Variants in ANK2 observed in about 807,000 individuals in gnomAD.
The protein encoded by ANK2 is ankyrin-2.
ANK2 carries 83 observed loss-of-function variants against 360.5 expected under a neutral mutation model. The observed-to-expected ratio is 0.23, with a 90% CI of 0.19 to 0.28. The LOEUF is 0.28. ANK2 is among the 10% of genes least tolerant of loss of function. The pLI is 1.00. For synonymous variants in ANK2, 1,740 were observed against 1,759.5 expected, an observed-to-expected ratio of 0.99 and a Z score of 0.28; for missense variants, 4,201 against 4,795.7, an observed-to-expected ratio of 0.88 and a Z score of 3.66.
intron 24 of ANK2, 34 bp downstream of exon 24, chr4:113,311,433 G>A (rs754081989): frequency 3.7e-6 from 6 of 1,611,932 alleles, no homozygotes; most frequent in Non-Finnish European, 5.1e-6. Flanking sequence ...ATGTCAGCCA[G>A]AAGTATGTGC....
intron 5 of ANK2, among the ~76,000 whole-genome samples, 183 bp from the exon 6 acceptor site, chr4:113,236,804 C>G (rs2099387538): frequency 6.6e-6 from 1 of 152,192 alleles, no homozygotes; most frequent in African/African-American, 2.4e-5. Context: ...GGAAAGCCGT[C>G]TGATTAAACT....
intron 1 of ANK2, among the ~76,000 whole-genome samples, chr4:113,083,077 T>A (rs2083055836): frequency 6.6e-6 from 1 of 152,080 alleles, no homozygotes; most frequent in African/African-American, 2.4e-5. Flanking sequence ...TTTTAAATTT[T>A]TAAATTTTAT....
upstream of ANK2, among the ~76,000 whole-genome samples, chr4:113,048,430 A>ATTTTTTTTTT (rs61689467): frequency 7.7e-6 from 1 of 129,740 alleles, no homozygotes. Context: ...CACCTGGCTA[A>ATTTTTTTTTT]TTTTTTTTTT....
At chr4:113,037,693 G>T (rs1170347642) in intron 2 of ANK2, among the ~76,000 whole-genome samples, 1 of 151,910 alleles carries the variant, frequency 6.6e-6, no homozygotes, top group African/African-American at 2.4e-5. Flanking sequence ...CAAGGCCCAA[G>T]TCACAATTTG....
chr4:113,249,658 G>T, intron 9 of ANK2, 106 bp from the exon 10 acceptor site: 1 of 993,398 alleles, frequency 1.0e-6, no homozygotes, highest in Non-Finnish European at 1.6e-6. Flanking sequence ...CTTATTTATT[G>T]AGTAATCAGG....
At chr4:112,721,963 T>C in the ANK2 span, among the ~76,000 whole-genome samples, 4 of 152,192 alleles carry the variant, frequency 2.6e-5, no homozygotes, top group Non-Finnish European at 5.9e-5. Context: ...TCACAAGCAT[T>C]ATTATCAGAC....
chr4:113,171,421 A>G (rs2097944929), intron 1 of ANK2, among the ~76,000 whole-genome samples: 1 of 152,176 alleles, frequency 6.6e-6, no homozygotes, highest in South Asian at 2.1e-4. Context: ...GGCTTCAATA[A>G]TGTCAATATT....
At chr4:113,279,436 T>C (rs769180837) in intron 17 of ANK2, among the ~76,000 whole-genome samples, 2 of 151,944 alleles carry the variant, frequency 1.3e-5, no homozygotes, top group Non-Finnish European at 2.9e-5. Flanking sequence ...GAGATTTAAG[T>C]AGGTTAATTT....
At chr4:112,955,200 A>G (rs2095270353) in intron 2 of ANK2, among the ~76,000 whole-genome samples, 1 of 152,010 alleles carries the variant, frequency 6.6e-6, no homozygotes, top group Non-Finnish European at 1.5e-5. Flanking sequence ...TGTGATCTAC[A>G]TACTTTTTAT....
chr4:112,788,196 A>G, the ANK2 span: 3 of 1,589,060 alleles, frequency 1.9e-6, no homozygotes, highest in Non-Finnish European at 2.6e-6. Flanking sequence ...ATCTCATCGT[A>G]TCTGTCATTG....
At chr4:113,117,116 G>C in intron 1 of ANK2, 1 of 365,964 alleles carries the variant, frequency 2.7e-6, no homozygotes, top group Non-Finnish European at 5.3e-6. Context: ...GCAGAGGCTG[G>C]AGCAAGATTA....
chr4:113,134,574 C>T (rs190180160), intron 1 of ANK2, among the ~76,000 whole-genome samples: 30 of 152,110 alleles, frequency 2.0e-4, no homozygotes, highest in Non-Finnish European at 1.3e-4. Context: ...AAAAAACTAC[C>T]TTCTACCTTA....
chr4:112,926,915 A>G (rs1284333857), intron 2 of ANK2, among the ~76,000 whole-genome samples: 1 of 152,212 alleles, frequency 6.6e-6, no homozygotes, highest in African/African-American at 2.4e-5. Flanking sequence ...AAAGAGGTTT[A>G]ATTGACTCAC....
chr4:113,133,866 A>T (rs972009723), intron 1 of ANK2, among the ~76,000 whole-genome samples: 1 of 152,172 alleles, frequency 6.6e-6, no homozygotes, highest in African/African-American at 2.4e-5. Flanking sequence ...TGCTTCTCCA[A>T]CTGACCTTAT....
chr4:112,918,119 T>A (rs1227722543), intron 2 of ANK2, among the ~76,000 whole-genome samples: 2 of 152,278 alleles, frequency 1.3e-5, no homozygotes, highest in Middle Eastern at 3.4e-3. Flanking sequence ...TCAAAGCATT[T>A]TTCTGAGTAG....
intron 1 of ANK2, among the ~76,000 whole-genome samples, chr4:113,065,738 T>C (rs2075331829): frequency 6.6e-6 from 1 of 152,238 alleles, no homozygotes; most frequent in African/African-American, 2.4e-5. Flanking sequence ...AGACTTGTGA[T>C]TAACTTGGCA....
intron 23 of ANK2, 66 bp downstream of exon 23, chr4:113,302,905 T>C: frequency 7.3e-7 from 1 of 1,372,698 alleles, no homozygotes. Context: ...ATTACCCTTT[T>C]TTTCAGAGAC....
chr4:112,848,205 A>T (rs764804272), intron 1 of ANK2, among the ~76,000 whole-genome samples: 3 of 151,946 alleles, frequency 2.0e-5, no homozygotes, highest in Non-Finnish European at 4.4e-5. Flanking sequence ...GGGTCACTCC[A>T]CCTCCACCTC....
At chr4:113,089,377 T>G (rs1381276948) in intron 1 of ANK2, among the ~76,000 whole-genome samples, 1 of 152,244 alleles carries the variant, frequency 6.6e-6, no homozygotes, top group Non-Finnish European at 1.5e-5. Flanking sequence ...CTAATTTTGT[T>G]CTGCTTTACC....
Sources: gnomAD v4.1 joint callset for allele counts (sites outside exome capture counted in the v4.1 genomes callset) on GRCh38, gnomAD v4.1.1 for gene constraint, MANE v1.5 for transcripts, NCBI Gene and HGNC (gene_info 2026-07-23, HGNC 2026-07-21) for gene names.